Variants in SGPP2 observed in about 807,000 individuals in gnomAD.
SGPP2 encodes sphingosine-1-phosphate phosphatase 2, also known as sphingosine 1-phosphate phosphohydrolase 2.
SGPP2 carries 30 observed loss-of-function variants against 33.9 expected under a neutral mutation model. The ratio of observed to expected loss-of-function variants is 0.89; its 90% confidence interval spans 0.66 to 1.20. The LOEUF (loss-of-function observed/expected upper bound fraction) is 1.20. Among genes scored for constraint, SGPP2 ranks in the 50% most tolerant of loss-of-function variants. SGPP2 has a pLI of 0.00. For missense variants in SGPP2, 458 were observed against 532.1 expected (o/e 0.86, Z 1.37); for synonymous variants, 233 against 225.0 (o/e 1.04, Z -0.32).
intron 2 of SGPP2, among the ~76,000 whole-genome samples, chr2:222,505,213 T>A (rs1419781069): frequency 1.3e-5 from 2 of 152,212 alleles, no homozygotes; most frequent in Admixed American, 6.5e-5. Flanking sequence ...CTCGGCTTAT[T>A]GCAAGAGCTG....
Position 222,540,188 on chromosome 2 carries a change from G to A in SGPP2, c.648+15155G>A, listed in dbSNP as rs1470966437. 3.9e-5 allele frequency among the ~76,000 whole-genome samples: 6 copies of A among 152,122 alleles called. No individual in the cohort carries two copies. The East Asian group carries it at 1.2e-3, about 29-fold the overall frequency. On this transcript the variant is annotated intron_variant, in intron 4 of 4. Coordinates refer to ENST00000321276, the MANE Select transcript of SGPP2 (RefSeq NM_152386.4). ...TTTTGAATATTTGAAAGTACCAACT[G>A]ACATATCTTGTGGATGGAACCCAAG...
Position 222,561,920 on chromosome 2 carries a change from CCT to C in SGPP2, c.*3029_*3030del, listed in dbSNP as rs78199964. 1.4e-4 allele frequency among the ~76,000 whole-genome samples: 22 copies of C among 151,800 alleles called. No homozygotes were observed. The highest frequency in any genetic ancestry group is 4.8e-4 in the African/African-American group (20 of 41,308). On this transcript the variant is annotated 3_prime_UTR_variant, in exon 5 of 5. Coordinates refer to ENST00000321276, the MANE Select transcript of SGPP2 (RefSeq NM_152386.4). ...CACACAGCACTTTGCTCTGTTAAAT[CCT>C]CTCTCTGTCTCAGACCATTGCTTGC... is the stretch of plus-strand genomic sequence containing the variant.
chr2:222,506,984 G>A (rs898571545), intron 2 of SGPP2, among the ~76,000 whole-genome samples: 3 of 152,132 alleles, frequency 2.0e-5, no homozygotes, highest in Non-Finnish European at 4.4e-5. Flanking sequence ...TGGGCAGAGT[G>A]ATCTGGGAGC....
At chr2:222,540,658 A>C (rs1040063403) in intron 4 of SGPP2, among the ~76,000 whole-genome samples, 2 of 152,126 alleles carry the variant, frequency 1.3e-5, no homozygotes, top group Admixed American at 6.5e-5. Context: ...TCTGTCAATA[A>C]ATCTATTTTT....
chr2:222,457,125 G>C (rs370373006), intron 1 of SGPP2, among the ~76,000 whole-genome samples: 4 of 152,028 alleles, frequency 2.6e-5, no homozygotes, highest in East Asian at 3.9e-4. Flanking sequence ...AGTAGCCCAG[G>C]AGGAGCCTTA....
At chr2:222,520,746 C>T (rs893406706) in intron 2 of SGPP2, among the ~76,000 whole-genome samples, 3 of 132,132 alleles carry the variant, frequency 2.3e-5, no homozygotes, top group African/African-American at 8.1e-5. Context: ...AAAAAAAAAA[C>T]CCTCCATATC....
chr2:222,445,925 G>T (rs752414293), intron 1 of SGPP2, among the ~76,000 whole-genome samples: 2 of 152,198 alleles, frequency 1.3e-5, no homozygotes, highest in Non-Finnish European at 2.9e-5. Context: ...AAAGGGTTCA[G>T]ATTGTCAGAA....
At chr2:222,519,410 A>G (rs1264555540) in intron 2 of SGPP2, among the ~76,000 whole-genome samples, 5 of 152,274 alleles carry the variant, frequency 3.3e-5, no homozygotes, top group Admixed American at 6.5e-5. Flanking sequence ...TTGCTCTTGC[A>G]TATTAGATTA....
At chr2:222,464,185 A>G (rs1211876131) in intron 1 of SGPP2, among the ~76,000 whole-genome samples, 2 of 152,232 alleles carry the variant, frequency 1.3e-5, no homozygotes, top group Non-Finnish European at 2.9e-5. Context: ...GTTTTAGCAG[A>G]TCCAAGATGT....
chr2:222,453,210 C>G, intron 1 of SGPP2: 1 of 774,500 alleles, frequency 1.3e-6, no homozygotes. Flanking sequence ...TCTTCAGGCC[C>G]ACAAATGACA....
intron 2 of SGPP2, among the ~76,000 whole-genome samples, chr2:222,489,372 C>T (rs1386163320): frequency 6.6e-6 from 1 of 151,090 alleles, no homozygotes; most frequent in Non-Finnish European, 1.5e-5. Flanking sequence ...TTTTCTGTAG[C>T]CAGCAAGGAC....
chr2:222,498,496 G>A (rs1698316974), intron 2 of SGPP2: 1 of 151,784 alleles, frequency 6.6e-6, no homozygotes, highest in South Asian at 2.1e-4. Context: ...ATCTCAACAG[G>A]CATCATTCAT....
At chr2:222,543,549 A>G (rs148043662) in intron 4 of SGPP2, among the ~76,000 whole-genome samples, 6 of 152,354 alleles carry the variant, frequency 3.9e-5, no homozygotes, top group African/African-American at 1.4e-4. Context: ...TAGAACAATC[A>G]TAACGATATG....
Position 222,512,434 on chromosome 2 carries a change from C to T in SGPP2, c.379-9333C>T, listed in dbSNP as rs770356657. 4.6e-5 allele frequency among the ~76,000 whole-genome samples: 7 copies of T among 152,130 alleles called. No homozygotes were observed. The East Asian group carries it at 5.8e-4, about 13-fold the overall frequency. ...AACCTCCCCCACTACCAAAATTCCC[C>T]GCCACAGTGATACATTTGGTACAAT... is the stretch of plus-strand genomic sequence containing the variant. On this transcript the variant is annotated intron_variant, in intron 2 of 4. Coordinates refer to ENST00000321276, the MANE Select transcript of SGPP2 (RefSeq NM_152386.4).
intron 4 of SGPP2, among the ~76,000 whole-genome samples, chr2:222,541,895 C>T (rs1699004157): frequency 6.6e-6 from 1 of 152,066 alleles, no homozygotes; most frequent in South Asian, 2.1e-4. Context: ...AGCCACTGTG[C>T]CTGGGTAAGA....
intron 1 of SGPP2, among the ~76,000 whole-genome samples, chr2:222,435,028 G>GTATATATACACA (rs58124947): frequency 8.5e-5 from 12 of 140,540 alleles, no homozygotes; most frequent in East Asian, 4.2e-4. Flanking sequence ...GTATATGTGT[G>GTATATATACACA]TATATATATG....
intron 1 of SGPP2, among the ~76,000 whole-genome samples, chr2:222,440,736 TCA>T (rs2106066349): frequency 6.6e-6 from 1 of 152,320 alleles, no homozygotes; most frequent in Non-Finnish European, 1.5e-5. Context: ...TAGGACAACT[TCA>T]GTCTCTCTTC....
rs756433402 is a variant in SGPP2 at position 222,521,894 on chromosome 2, C to T, written c.506C>T (p.Ala169Val). The change falls in exon 3 of 5, where the codon GCG (alanine) becomes GTG (valine). Residue 169 changes from alanine (A) to valine (V), a missense_variant. Transcript: ENST00000321276. ...GGAATGCCATCCACCCACGCCATGG[C>T]GGCCACTGCCATTGCCTTCACCCTC... ...EYGMPSTHAM[A>V]ATAIAFTLLI... The T allele has an allele frequency of 3.7e-6, 6 of 1,606,322 alleles. No homozygotes were observed. Among genetic ancestry groups the T allele is most frequent in the South Asian group, 1.1e-5 (1 of 89,262 alleles).
chr2:222,453,153 G>A (rs1284199047), intron 1 of SGPP2: 22 of 788,528 alleles, frequency 2.8e-5, no homozygotes, highest in South Asian at 1.1e-4. Flanking sequence ...AGAGACAGTC[G>A]CAGTGTGAGG....
Sources: gnomAD v4.1 joint callset for allele counts (sites outside exome capture counted in the v4.1 genomes callset) on GRCh38, gnomAD v4.1.1 for gene constraint, MANE v1.5 for transcripts, NCBI Gene and HGNC (gene_info 2026-07-23, HGNC 2026-07-21) for gene names.